The following PTBP3 variants were observed in gnomAD, a reference collection of about 807,000 sequenced individuals.
PTBP3 encodes polypyrimidine tract binding protein 3.
Under a neutral mutation model 58.7 loss-of-function variants are expected in PTBP3, and 20 were observed. The ratio of observed to expected loss-of-function variants is 0.34; its 90% confidence interval spans 0.24 to 0.50. The LOEUF is 0.50. Ranked by LOEUF, PTBP3 falls within the 20% of genes least tolerant of loss-of-function variation. The probability of loss-of-function intolerance (pLI) is 0.98; values close to 1 mark genes in which losing one functional copy is unlikely to be tolerated. For missense variants in PTBP3, 509 were observed against 637.2 expected, an observed-to-expected ratio of 0.80 and a Z score of 2.17; for synonymous variants, 185 against 219.8, an observed-to-expected ratio of 0.84 and a Z score of 1.40.
At chr9:112,242,739 G>C (rs1188465982) in intron 7 of PTBP3, 2 of 152,200 alleles carry the variant, frequency 1.3e-5, no homozygotes, top group Admixed American at 6.5e-5. Flanking sequence ...CTTAAGTGTA[G>C]ACATCTGATC....
Position 112,221,608 on chromosome 9 carries a change from T to G in PTBP3, c.*2243A>C. 1.0e-6 allele frequency: 1 copy of G among 985,410 alleles called. No individual in the cohort carries two copies. Among genetic ancestry groups the G allele is most frequent in the Non-Finnish European group, 1.2e-6 (1 of 829,902 alleles). The allele number at this position is 985,410 out of a possible 1,614,324, so 61.0% of individuals were successfully genotyped here. A position where few individuals can be genotyped will look rare whatever the true frequency, so the allele number is the denominator to read the frequency against. On this transcript the variant is annotated 3_prime_UTR_variant, in exon 14 of 14. Coordinates refer to ENST00000374257, the MANE Select transcript of PTBP3 (RefSeq NM_001163788.4). ...ATTTTTTTCCTCCTTCATATACCCC[T>G]TGTGTCTAGGTCAAAACTTATTTCA...
At position 112,219,916 on chromosome 9, in the gene PTBP3, G is replaced by T; in HGVS notation, c.*3935C>A. 2 of 273,730 alleles carry T rather than the reference G, an allele frequency of 7.3e-6. No individual in the cohort carries two copies. The highest frequency in any genetic ancestry group is 1.2e-5 in the Non-Finnish European group (2 of 169,762). The allele number at this position is 273,730 out of a possible 1,614,324, so 17.0% of individuals were successfully genotyped here. A position where few individuals can be genotyped will look rare whatever the true frequency, so the allele number is the denominator to read the frequency against. The stretch of plus-strand genomic sequence containing the variant: ...CTGAAAAAAGACTGCTAATAGTCTT[G>T]TAGATAACAACACAACTCTTTTAAA... On this transcript the variant is annotated 3_prime_UTR_variant, in exon 14 of 14. Coordinates refer to ENST00000374257, the MANE Select transcript of PTBP3 (RefSeq NM_001163788.4).
the PTBP3 span, among the ~76,000 whole-genome samples, chr9:112,340,694 A>G: frequency 6.6e-6 from 1 of 151,952 alleles, no homozygotes; most frequent in Admixed American, 6.6e-5. Context: ...ACCAGCCTCA[A>G]CATGGAGAAA....
chr9:112,221,943 C>G lies in PTBP3; in HGVS notation c.*1908G>C, dbSNP rs184850295. 6,243 of 947,390 alleles carry G rather than the reference C, an allele frequency of 6.6e-3. 20 individuals carry two copies. The highest frequency in any genetic ancestry group is 7.4e-3 in the Non-Finnish European group (5,887 of 795,290). The allele number at this position is 947,390 out of a possible 1,614,324, so 58.7% of individuals were successfully genotyped here. A position where few individuals can be genotyped will look rare whatever the true frequency, so the allele number is the denominator to read the frequency against. The stretch of plus-strand genomic sequence containing the variant: ...TTAAGAGAAGGGGTCACACTATGTT[C>G]CAGGGCTGGAGTGAAGTGGCTATTC... On this transcript the variant is annotated 3_prime_UTR_variant, in exon 14 of 14. Coordinates refer to ENST00000374257, the MANE Select transcript of PTBP3 (RefSeq NM_001163788.4).
the PTBP3 span, among the ~76,000 whole-genome samples, chr9:112,376,133 G>A: frequency 1.4e-3 from 192 of 135,484 alleles, no homozygotes; most frequent in Middle Eastern, 8.3e-3. Context: ...ACCAAAATCC[G>A]TATTAGTCAG....
At chr9:112,362,950 A>G in the PTBP3 span, 1 of 261,036 alleles carries the variant, frequency 3.8e-6, no homozygotes, top group South Asian at 5.1e-5. Flanking sequence ...TCTGGTACGC[A>G]TTGTCAAGGA....
intron 1 of PTBP3, among the ~76,000 whole-genome samples, chr9:112,303,288 C>T (rs1829029764): frequency 6.6e-6 from 1 of 152,290 alleles, no homozygotes; most frequent in East Asian, 1.9e-4. Context: ...TTTTCTATCC[C>T]AAGTGAAAAG....
intron 1 of PTBP3, among the ~76,000 whole-genome samples, chr9:112,312,938 G>A (rs2132398665): frequency 6.6e-6 from 1 of 152,156 alleles, no homozygotes; most frequent in Admixed American, 6.5e-5. Context: ...CAGCTATTCA[G>A]GAGGCTGAAG....
the PTBP3 span, among the ~76,000 whole-genome samples, chr9:112,353,932 T>C: frequency 2.6e-5 from 4 of 152,036 alleles, no homozygotes; most frequent in Admixed American, 2.6e-4. Flanking sequence ...CACTCCAGCC[T>C]GGGTGACAGA....
the PTBP3 span, among the ~76,000 whole-genome samples, chr9:112,355,543 C>T: frequency 2.6e-5 from 4 of 152,018 alleles, no homozygotes; most frequent in Admixed American, 2.0e-4. Context: ...ATCAAAGACC[C>T]GTCTTCTTTT....
the PTBP3 span, among the ~76,000 whole-genome samples, chr9:112,361,764 T>C: frequency 3.3e-5 from 5 of 152,124 alleles, no homozygotes; most frequent in Non-Finnish European, 5.9e-5. Context: ...ATTGCTCTTT[T>C]GACTGTGGAC....
the PTBP3 span, among the ~76,000 whole-genome samples, chr9:112,376,156 GATATATAT>G: frequency 9.4e-5 from 11 of 116,814 alleles, no homozygotes; most frequent in African/African-American, 2.6e-4. Context: ...TTCTCTAGAG[GATATATAT>G]ATATATATAT....
chr9:112,361,291 G>C, the PTBP3 span, among the ~76,000 whole-genome samples: 1 of 151,860 alleles, frequency 6.6e-6, no homozygotes, highest in African/African-American at 2.4e-5. Flanking sequence ...TAGATTCGGG[G>C]TTTCACCATG....
intron 1 of PTBP3, among the ~76,000 whole-genome samples, chr9:112,308,032 G>T (rs903552851): frequency 1.2e-4 from 19 of 152,160 alleles, no homozygotes; most frequent in African/African-American, 4.3e-4. Flanking sequence ...TTCCAGTATG[G>T]CCCAGGGAAG....
intron 5 of PTBP3, among the ~76,000 whole-genome samples, chr9:112,254,060 G>T (rs1836247106): frequency 1.3e-5 from 2 of 152,128 alleles, no homozygotes; most frequent in African/African-American, 4.8e-5. Flanking sequence ...GTACAATCAT[G>T]GCTCACTGTA....
intron 2 of PTBP3, 92 bp from the exon 3 acceptor site, chr9:112,276,105 G>GT (rs1827599320): frequency 8.0e-7 from 1 of 1,250,718 alleles, no homozygotes; most frequent in African/African-American, 1.5e-5. Flanking sequence ...TCCTAAATGA[G>GT]TTTTGGGTTT....
At chr9:112,322,029 G>T (rs1036022423) in intron 1 of PTBP3, among the ~76,000 whole-genome samples, 1 of 151,526 alleles carries the variant, frequency 6.6e-6, no homozygotes, top group Non-Finnish European at 1.5e-5. Context: ...CAGCTACTTG[G>T]GAGGCTGAGG....
chr9:112,292,741 G>A (rs1828495362), intron 2 of PTBP3, among the ~76,000 whole-genome samples: 1 of 152,184 alleles, frequency 6.6e-6, no homozygotes, highest in South Asian at 2.1e-4. Context: ...CTTGGAAACA[G>A]AAAGCAGAAT....
chr9:112,267,684 G>C (rs1009461786), intron 4 of PTBP3, among the ~76,000 whole-genome samples: 1 of 152,014 alleles, frequency 6.6e-6, no homozygotes, highest in Non-Finnish European at 1.5e-5. Flanking sequence ...TTTTATTAAG[G>C]TGTTAAATTC....
Sources: gnomAD v4.1 joint callset for allele counts (sites outside exome capture counted in the v4.1 genomes callset) on GRCh38, gnomAD v4.1.1 for gene constraint, MANE v1.5 for transcripts, NCBI Gene and HGNC (gene_info 2026-07-23, HGNC 2026-07-21) for gene names.